PCDHA7: variants seen among roughly 807,000 people sequenced by gnomAD.
PCDHA7 encodes protocadherin alpha-7.
Under a neutral mutation model 57.2 loss-of-function variants are expected in PCDHA7, and 37 were observed. The ratio of observed to expected loss-of-function variants is 0.65; its 90% CI spans 0.50 to 0.85. The LOEUF (loss-of-function observed/expected upper bound fraction) is 0.85. Among genes scored for constraint, PCDHA7 ranks in the 40% least tolerant of loss-of-function variants. The probability of loss-of-function intolerance (pLI) is 0.00; values close to 1 mark genes in which losing one functional copy is unlikely to be tolerated. For synonymous variants in PCDHA7, 553 were observed against 558.8 expected (o/e 0.99, Z 0.15); for missense variants, 1,188 against 1,241.8 (o/e 0.96, Z 0.65).
At chr5:140,953,527 A>T (rs531720224) in intron 1 of PCDHA7, among the ~76,000 whole-genome samples, 153 of 152,150 alleles carry the variant, frequency 1.0e-3, no homozygotes, top group African/African-American at 2.9e-3. Flanking sequence ...AAAACGGGAA[A>T]CTCACTTCAT....
intron 1 of PCDHA7, chr5:140,858,460 C>T (rs1395067215): frequency 6.6e-7 from 1 of 1,525,828 alleles, no homozygotes; most frequent in African/African-American, 1.4e-5. Context: ...TTTTCATTTT[C>T]CTTTTGTGCT....
At chr5:140,890,363 C>T (rs1217094920) in intron 1 of PCDHA7, among the ~76,000 whole-genome samples, 1 of 152,036 alleles carries the variant, frequency 6.6e-6, no homozygotes, top group African/African-American at 2.4e-5. Flanking sequence ...CAATGGATAA[C>T]CTGAACAAGT....
chr5:140,972,758 A>G lies in PCDHA7; in HGVS notation c.2356-6191A>G, dbSNP rs563540989. Among the ~76,000 whole-genome samples, 16 of 150,884 alleles carry G rather than the reference A, an allele frequency of 1.1e-4. No individual in the cohort carries two copies. In the South Asian group the frequency reaches 3.4e-3, roughly 32 times the overall value. On this transcript the variant is annotated intron_variant, in intron 1 of 3. Transcript: ENST00000525929. ...GGCTCACTGCAACCTCCGCCTCCCA[A>G]GTTAAAGTGATTCTTCTGCCTCAGC...
chr5:140,993,523 CAG>C (rs111789518), intron 3 of PCDHA7, among the ~76,000 whole-genome samples: 1,510 of 145,458 alleles, frequency 0.01, 24 homozygotes, highest in African/African-American at 0.035. Flanking sequence ...GAGAGAGAGA[CAG>C]AGAGAGAGAG....
intron 1 of PCDHA7, among the ~76,000 whole-genome samples, chr5:140,909,839 C>A (rs2074714040): frequency 1.3e-5 from 2 of 152,146 alleles, no homozygotes; most frequent in Admixed American, 6.5e-5. Context: ...GGAGGACCAC[C>A]AGGACGTTTT....
intron 1 of PCDHA7, among the ~76,000 whole-genome samples, chr5:140,886,515 G>A (rs1554182564): frequency 3.9e-5 from 6 of 151,972 alleles, no homozygotes; most frequent in Non-Finnish European, 8.8e-5. Flanking sequence ...TGGATTTTAA[G>A]GTCTGCATAT....
Position 140,843,051 on chromosome 5 carries a change from C to G in PCDHA7, c.2355+6313C>G, listed in dbSNP as rs2150351121. ...CGGGTGGGTGGCACTGGTGGCGCAG[C>G]GAGCAAGCTGGTGCCGCGGTCTGTG... On this transcript the variant is annotated intron_variant, in intron 1 of 3. Transcript: ENST00000525929. 14 of 1,594,994 alleles carry G rather than the reference C, an allele frequency of 8.8e-6. 2 individuals carry two copies. The highest frequency in any genetic ancestry group is 2.2e-5 in the South Asian group (2 of 90,478).
chr5:140,881,230 G>A (rs1467821983), intron 1 of PCDHA7: 2 of 301,850 alleles, frequency 6.6e-6, no homozygotes, highest in Non-Finnish European at 9.8e-6. Flanking sequence ...GAAAATTAAA[G>A]TCAATTTAAA....
intron 1 of PCDHA7, chr5:140,966,695 C>G: frequency 7.4e-7 from 1 of 1,358,486 alleles, no homozygotes; most frequent in Non-Finnish European, 9.5e-7. Flanking sequence ...AGGCGGGGCC[C>G]GGGCGTGGGG....
At chr5:140,941,319 CTTT>C (rs70988781) in intron 1 of PCDHA7, among the ~76,000 whole-genome samples, 1 of 104,392 alleles carries the variant, frequency 9.6e-6, no homozygotes. Flanking sequence ...TCTTCTTTCT[CTTT>C]TTTTTTTTTT....
chr5:140,853,297 G>T, intron 1 of PCDHA7: 1 of 981,768 alleles, frequency 1.0e-6, no homozygotes, highest in Non-Finnish European at 1.2e-6. Context: ...TCTCAGAAGG[G>T]CTGTGAACAC....
At chr5:140,953,565 C>A (rs1433649283) in intron 1 of PCDHA7, among the ~76,000 whole-genome samples, 2 of 151,370 alleles carry the variant, frequency 1.3e-5, no homozygotes, top group African/African-American at 2.5e-5. Context: ...AGTTTTAGTG[C>A]CCTCCTCTCC....
rs782513442 is a variant in PCDHA7 at position 140,877,300 on chromosome 5, G to C, written c.2355+40562G>C. 7 of 1,613,828 alleles carry C rather than the reference G, an allele frequency of 4.3e-6. No homozygotes were observed. The South Asian group carries it at 4.4e-5, about 10-fold the overall frequency. Reference sequence around the variant, plus strand: ...CGGCTATAACGCTTGGCTGTCCTACGAGTTGCAACCGGCGGCGGTCGGCGC... The same window carrying C: ...CGGCTATAACGCTTGGCTGTCCTACCAGTTGCAACCGGCGGCGGTCGGCGC... On this transcript the variant is annotated intron_variant, in intron 1 of 3. Transcript: ENST00000525929.
intron 1 of PCDHA7, among the ~76,000 whole-genome samples, chr5:140,925,641 T>TAATA (rs2082614636): frequency 7.0e-6 from 1 of 143,358 alleles, no homozygotes; most frequent in Non-Finnish European, 1.5e-5. Flanking sequence ...GAACTTAAAG[T>TAATA]ATAATAATAA....
intron 3 of PCDHA7, among the ~76,000 whole-genome samples, chr5:141,002,901 G>C (rs2098101392): frequency 6.6e-6 from 1 of 152,224 alleles, no homozygotes; most frequent in Admixed American, 6.5e-5. Flanking sequence ...GCAAGATGAA[G>C]AGAAGATCAG....
At chr5:140,978,694 G>A (rs1184051557) in intron 1 of PCDHA7, among the ~76,000 whole-genome samples, 1 of 152,258 alleles carries the variant, frequency 6.6e-6, no homozygotes, top group African/African-American at 2.4e-5. Context: ...GCAAGGCAAA[G>A]CCAAAGGTGG....
In PCDHA7 at chr5:140,852,152, C is replaced by T. The variant is rs1163475400; in HGVS notation, c.2355+15414C>T. The T allele has an allele frequency of 5.8e-6, 5 of 861,034 alleles. 1 individual carries two copies. The highest frequency in any genetic ancestry group is 1.2e-3 in the Middle Eastern group (2 of 1,666). The allele number at this position is 861,034 out of a possible 1,614,324, so 53.3% of individuals were successfully genotyped here. ...CTCAGTAGAGAAAGATCAGAATGGC[C>T]TTGAGAATAGAGCCACAAAAATAAC... On this transcript the variant is annotated intron_variant, in intron 1 of 3. Transcript: ENST00000525929.
intron 1 of PCDHA7, among the ~76,000 whole-genome samples, chr5:140,937,127 T>TC: frequency 6.7e-6 from 1 of 149,014 alleles, no homozygotes. Context: ...AAGCTCCGCC[T>TC]CCCGGGTTCA....
intron 1 of PCDHA7, among the ~76,000 whole-genome samples, chr5:140,935,679 T>C (rs2090497566): frequency 6.6e-6 from 1 of 152,190 alleles, no homozygotes; most frequent in South Asian, 2.1e-4. Context: ...GTGAAATATT[T>C]ACATGGCTCC....
Sources: gnomAD v4.1 joint callset for allele counts (sites outside exome capture counted in the v4.1 genomes callset) on GRCh38, gnomAD v4.1.1 for gene constraint, MANE v1.5 for transcripts, NCBI Gene and HGNC (gene_info 2026-07-23, HGNC 2026-07-21) for gene names.